NRG3: variants seen among roughly 807,000 people sequenced by gnomAD.
NRG3 encodes the protein pro-neuregulin-3, membrane-bound isoform.
A neutral mutation model predicts 66.9 loss-of-function variants in NRG3; 31 were observed. That is an observed-to-expected ratio of 0.46 (90% CI 0.35 to 0.63). The LOEUF (loss-of-function observed/expected upper bound fraction) is 0.63. NRG3 is among the 20% of genes least tolerant of loss of function. The pLI, the probability that NRG3 is intolerant of heterozygous loss-of-function variation, is 0.00. For missense variants in NRG3, 910 were observed against 878.9 expected (o/e 1.04, Z -0.45); for synonymous variants, 393 against 359.4 (o/e 1.09, Z -1.06).
In NRG3 at chr10:82,132,511, TATATG is replaced by T. The variant is rs374226826; in HGVS notation, c.824-226223_824-226219del. ...ATATATGATATATATATATCATATA[TATATG>T]ATATATATGATATATATATGATATA... is the stretch of plus-strand genomic sequence containing the variant. On this transcript the variant is annotated intron_variant, in intron 1 of 8. Transcript: ENST00000372141. Among the ~76,000 whole-genome samples, 50 of 12,662 alleles carry T rather than the reference TATATG, an allele frequency of 3.9e-3. 5 individuals are homozygous for T. Among genetic ancestry groups the T allele is most frequent in the Non-Finnish European group, 6.1e-3 (31 of 5,098 alleles). 8.3% of individuals were successfully genotyped at this position (12,662 alleles called of 152,430 possible).
chr10:82,630,922 T>G (rs2049782099), intron 2 of NRG3, among the ~76,000 whole-genome samples: 1 of 152,196 alleles, frequency 6.6e-6, no homozygotes, highest in African/African-American at 2.4e-5. Context: ...ACAAAGACTT[T>G]TTTTCTTTAA....
At chr10:81,889,450 C>G (rs188327250) in intron 1 of NRG3, 1 of 152,296 alleles carries the variant, frequency 6.6e-6, no homozygotes, top group Admixed American at 6.5e-5. Flanking sequence ...TGCATCCGTT[C>G]ATTTACATAT....
At chr10:82,691,126 A>G (rs935847459) in intron 2 of NRG3, among the ~76,000 whole-genome samples, 1 of 152,164 alleles carries the variant, frequency 6.6e-6, no homozygotes, top group Non-Finnish European at 1.5e-5. Context: ...GATTATCTCA[A>G]CCTTAAGAAA....
At chr10:82,718,939 C>A (rs1005479616) in intron 2 of NRG3, among the ~76,000 whole-genome samples, 1 of 152,094 alleles carries the variant, frequency 6.6e-6, no homozygotes, top group Non-Finnish European at 1.5e-5. Context: ...CCCCAGAAAC[C>A]TTTATATAAT....
intron 2 of NRG3, among the ~76,000 whole-genome samples, chr10:82,512,857 A>AT (rs1012052048): frequency 2.2e-4 from 34 of 152,216 alleles, no homozygotes; most frequent in African/African-American, 7.2e-4. Context: ...GTTCAATATC[A>AT]TTTTTTTAAA....
chr10:82,442,091 G>A (rs2090461751), intron 2 of NRG3, among the ~76,000 whole-genome samples: 1 of 152,150 alleles, frequency 6.6e-6, no homozygotes, highest in Non-Finnish European at 1.5e-5. Flanking sequence ...TATAATGTGT[G>A]TTTACATTCA....
intron 3 of NRG3, among the ~76,000 whole-genome samples, chr10:82,850,821 A>G (rs1338493968): frequency 6.6e-6 from 1 of 152,206 alleles, no homozygotes; most frequent in Admixed American, 6.5e-5. Flanking sequence ...AAATATAGTA[A>G]GTTAATTAAA....
At chr10:82,711,133 T>C (rs2056640543) in intron 2 of NRG3, among the ~76,000 whole-genome samples, 3 of 152,180 alleles carry the variant, frequency 2.0e-5, no homozygotes, top group Admixed American at 2.0e-4. Context: ...GGCTAGAATG[T>C]GGTCACCTTA....
chr10:82,214,282 G>A (rs1309323477), intron 1 of NRG3, among the ~76,000 whole-genome samples: 1 of 152,066 alleles, frequency 6.6e-6, no homozygotes, highest in Non-Finnish European at 1.5e-5. Flanking sequence ...GGGGTTTATG[G>A]TCAAGAAGAA....
At chr10:82,388,004 A>G (rs1201991791) in intron 2 of NRG3, among the ~76,000 whole-genome samples, 3 of 152,144 alleles carry the variant, frequency 2.0e-5, no homozygotes, top group South Asian at 2.1e-4. Context: ...AATTGCTACA[A>G]TGAAGGGCAA....
chr10:82,250,864 T>C (rs1025205804), intron 1 of NRG3, among the ~76,000 whole-genome samples: 1 of 152,092 alleles, frequency 6.6e-6, no homozygotes, highest in African/African-American at 2.4e-5. Context: ...TTAAAAGAGG[T>C]AAAACCAAGG....
chr10:82,212,129 G>T (rs551531428), intron 1 of NRG3, among the ~76,000 whole-genome samples: 75 of 152,240 alleles, frequency 4.9e-4, no homozygotes, highest in African/African-American at 1.7e-3. Flanking sequence ...ATCATTTTAT[G>T]TTAGTTTGAA....
intron 2 of NRG3, among the ~76,000 whole-genome samples, chr10:82,562,826 G>C (rs2045140768): frequency 6.6e-6 from 1 of 151,794 alleles, no homozygotes; most frequent in East Asian, 1.9e-4. Flanking sequence ...ACACAGAGTG[G>C]GTGGGGAGGG....
At chr10:81,941,934 T>C (rs1002764034) in intron 1 of NRG3, among the ~76,000 whole-genome samples, 6 of 152,114 alleles carry the variant, frequency 3.9e-5, no homozygotes, top group African/African-American at 1.2e-4. Context: ...AAACAAACCA[T>C]TGGACTAAAT....
intron 1 of NRG3, among the ~76,000 whole-genome samples, chr10:82,310,948 T>C (rs2080992438): frequency 6.6e-6 from 1 of 152,226 alleles, no homozygotes; most frequent in East Asian, 1.9e-4. Flanking sequence ...ATGTGTTGCT[T>C]ACTCTAAGAT....
At chr10:82,007,929 A>G (rs1427804378) in intron 1 of NRG3, among the ~76,000 whole-genome samples, 2 of 148,770 alleles carry the variant, frequency 1.3e-5, no homozygotes, top group African/African-American at 4.9e-5. Context: ...TTTCTTTTTC[A>G]TTCTTTTTCT....
At chr10:82,381,381 G>A (rs10884643) in intron 2 of NRG3, among the ~76,000 whole-genome samples, 62,353 of 151,956 alleles carry the variant, frequency 0.41, 15,866 homozygotes, top group African/African-American at 0.72. Context: ...ACACTATTCT[G>A]AATGCTTATT....
At chr10:82,095,994 C>T (rs2066315060) in intron 1 of NRG3, among the ~76,000 whole-genome samples, 2 of 152,036 alleles carry the variant, frequency 1.3e-5, no homozygotes, top group South Asian at 4.1e-4. Flanking sequence ...CAGAAACTGA[C>T]CTGCATAATG....
chr10:82,917,082 G>A (rs1845910805), intron 4 of NRG3, among the ~76,000 whole-genome samples: 1 of 152,164 alleles, frequency 6.6e-6, no homozygotes, highest in Non-Finnish European at 1.5e-5. Context: ...CGCTCCTCAG[G>A]GAATGTAATC....
Sources: allele counts gnomAD v4.1 joint callset (sites outside exome capture counted in the v4.1 genomes callset), GRCh38; gene constraint gnomAD v4.1.1; transcripts MANE v1.5; gene names NCBI Gene and HGNC (gene_info 2026-07-23, HGNC 2026-07-21).